Variants in GRIN2A observed in about 807,000 individuals in gnomAD.
GRIN2A encodes the protein glutamate receptor ionotropic, NMDA 2A.
GRIN2A carries 22 observed loss-of-function variants against 113.4 expected under a neutral mutation model. The ratio of observed to expected loss-of-function variants is 0.19; its 90% CI spans 0.14 to 0.28. The LOEUF (loss-of-function observed/expected upper bound fraction) is 0.28, where lower values mean the gene tolerates loss of function less well. Ranked by LOEUF, GRIN2A falls within the 10% of genes least tolerant of loss-of-function variation. GRIN2A has a pLI of 1.00. For synonymous variants in GRIN2A, 827 were observed against 738.4 expected (o/e 1.12, Z -1.94); for missense variants, 1,502 against 1,887.0 (o/e 0.80, Z 3.78).
At chr16:10,162,446 A>C (rs1374289005) in intron 2 of GRIN2A, among the ~76,000 whole-genome samples, 1 of 152,234 alleles carries the variant, frequency 6.6e-6, no homozygotes, top group East Asian at 1.9e-4. Context: ...TGGTTTAAAC[A>C]ACAGAAATGT....
At chr16:9,963,965 C>G (rs562055601) in intron 2 of GRIN2A, among the ~76,000 whole-genome samples, 1 of 152,170 alleles carries the variant, frequency 6.6e-6, no homozygotes, top group African/African-American at 2.4e-5. Context: ...AGTGGACAGA[C>G]AGACACAAAG....
chr16:9,764,168 G>T lies in GRIN2A; in HGVS notation c.3376C>A (p.Pro1126Thr), dbSNP rs767974762. Residue 1126 changes from proline to threonine, a missense_variant, in exon 13 of 13, where the codon CCT (proline) becomes ACT (threonine). Pro to Thr is a conservative substitution (Grantham distance 38, BLOSUM62 -1). Coordinates refer to ENST00000330684, the MANE Select transcript of GRIN2A (RefSeq NM_001134407.3). Reference protein sequence around the residue: ...KIYTIDGEKEPGFHLDPPQFV... With the variant: ...KIYTIDGEKETGFHLDPPQFV... ...TGGGGTGGATCTAAGTGGAAACCAG[G>T]CTCCTTCTCACCATCTATAGTGTAG... 2 of 1,613,452 alleles carry T rather than the reference G, an allele frequency of 1.2e-6. No individual in the cohort carries two copies. The highest frequency in any genetic ancestry group is 2.2e-5 in the East Asian group (1 of 44,868).
intron 3 of GRIN2A, among the ~76,000 whole-genome samples, chr16:9,905,554 C>T (rs9929517): frequency 0.011 from 1,618 of 152,258 alleles, 33 homozygotes; most frequent in African/African-American, 0.036. Context: ...CTGTTCTAAA[C>T]GAACTGAAAA....
At chr16:10,067,348 G>A (rs182692445) in intron 2 of GRIN2A, among the ~76,000 whole-genome samples, 3 of 152,116 alleles carry the variant, frequency 2.0e-5, no homozygotes, top group Admixed American at 6.5e-5. Flanking sequence ...ACAAAAGTCT[G>A]TTTTGACAAG....
At chr16:10,016,980 C>T (rs531476612) in intron 2 of GRIN2A, among the ~76,000 whole-genome samples, 29 of 152,344 alleles carry the variant, frequency 1.9e-4, no homozygotes, top group African/African-American at 7.0e-4. Context: ...CTTAATGGGC[C>T]ATGATGGATG....
intron 5 of GRIN2A, among the ~76,000 whole-genome samples, chr16:9,845,440 T>C (rs1426714818): frequency 6.6e-6 from 1 of 152,146 alleles, no homozygotes; most frequent in East Asian, 1.9e-4. Flanking sequence ...AGGGTATTGT[T>C]ATCATAGGGG....
chr16:10,181,700 GGTAAGCGCCGCGGAGCGCGGA>G (rs2050275317), intron 1 of GRIN2A, 156 bp downstream of exon 1: 4 of 152,534 alleles, frequency 2.6e-5, no homozygotes. Context: ...GACGTTCCTG[GGTAAGCGCCGCGGAGCGCGGA>G]GCCGCAGCGC....
At chr16:9,860,445 CAAAAAAAAAAA>C (rs35715098) in intron 4 of GRIN2A, among the ~76,000 whole-genome samples, 948 of 58,032 alleles carry the variant, frequency 0.016, 25 homozygotes, top group African/African-American at 0.055. Context: ...AAGAGTCTCT[CAAAAAAAAAAA>C]AAAAAAAAAA....
At chr16:9,900,859 G>T (rs2043908043) in intron 3 of GRIN2A, among the ~76,000 whole-genome samples, 1 of 152,160 alleles carries the variant, frequency 6.6e-6, no homozygotes, top group Admixed American at 6.5e-5. Flanking sequence ...CACATAATGA[G>T]CTTCTAATCC....
rs748888605 is a variant in GRIN2A at position 10,179,991 on chromosome 16, G to T, written c.414+7C>A. On this transcript the variant is annotated splice_region_variant and intron_variant, in intron 2 of 12. Transcript: ENST00000330684. Reference sequence around the variant, plus strand: ...GGTCCTGGCAGGGCATCAGTTTCCGGCCTTACCTTGTCAGCCATGATCATA... The same window carrying T: ...GGTCCTGGCAGGGCATCAGTTTCCGTCCTTACCTTGTCAGCCATGATCATA... 2.5e-6 allele frequency: 4 copies of T among 1,613,694 alleles called. No homozygotes were observed. Among genetic ancestry groups the T allele is most frequent in the Non-Finnish European group, 3.4e-6 (4 of 1,179,650 alleles).
At chr16:9,889,790 T>G (rs2043657563) in intron 4 of GRIN2A, among the ~76,000 whole-genome samples, 1 of 152,236 alleles carries the variant, frequency 6.6e-6, no homozygotes, top group Non-Finnish European at 1.5e-5. Context: ...ATTTTTATTT[T>G]AATGCTGTTA....
At chr16:9,938,600 A>C in intron 2 of GRIN2A, 49 bp from the exon 3 acceptor site, 1 of 1,346,658 alleles carries the variant, frequency 7.4e-7, no homozygotes, top group Non-Finnish European at 1.1e-6. Context: ...GAGGTGGTTT[A>C]TATAGAAGCA....
intron 11 of GRIN2A, among the ~76,000 whole-genome samples, chr16:9,784,230 G>A (rs961840444): frequency 6.6e-6 from 1 of 152,092 alleles, no homozygotes; most frequent in Non-Finnish European, 1.5e-5. Context: ...AGGAGTTCAA[G>A]ACCAGCCTGG....
intron 2 of GRIN2A, among the ~76,000 whole-genome samples, chr16:9,969,937 A>G (rs1274130703): frequency 6.6e-6 from 1 of 152,220 alleles, no homozygotes; most frequent in Non-Finnish European, 1.5e-5. Context: ...CCCGCACGCC[A>G]TCTTAGACCT....
chr16:10,098,504 A>G (rs928618278), intron 2 of GRIN2A, among the ~76,000 whole-genome samples: 2 of 152,198 alleles, frequency 1.3e-5, no homozygotes, highest in African/African-American at 4.8e-5. Flanking sequence ...ATTTGCACAC[A>G]CATGTTTACA....
At chr16:9,903,499 T>A (rs979443100) in intron 3 of GRIN2A, among the ~76,000 whole-genome samples, 20 of 152,190 alleles carry the variant, frequency 1.3e-4, no homozygotes, top group African/African-American at 4.8e-4. Context: ...GAGGACCACC[T>A]TTTCCCTACT....
intron 7 of GRIN2A, among the ~76,000 whole-genome samples, chr16:9,838,358 A>C (rs1249432619): frequency 1.3e-5 from 2 of 152,324 alleles, no homozygotes; most frequent in African/African-American, 4.8e-5. Context: ...TATGTTTATC[A>C]GAGCACAACT....
intron 2 of GRIN2A, among the ~76,000 whole-genome samples, chr16:10,076,108 G>A (rs16956843): frequency 0.14 from 21,233 of 152,092 alleles, 1,992 homozygotes; most frequent in African/African-American, 0.27. Context: ...TCGGACATAG[G>A]GCTAACCAGA....
intron 2 of GRIN2A, among the ~76,000 whole-genome samples, chr16:9,989,028 C>A (rs1433346010): frequency 6.6e-6 from 1 of 152,184 alleles, no homozygotes; most frequent in Non-Finnish European, 1.5e-5. Context: ...CTTTGGTGCT[C>A]TCTGAACATC....
Sources: gnomAD v4.1 joint callset for allele counts (sites outside exome capture counted in the v4.1 genomes callset) on GRCh38, gnomAD v4.1.1 for gene constraint, MANE v1.5 for transcripts, NCBI Gene and HGNC (gene_info 2026-07-23, HGNC 2026-07-21) for gene names.